CNOT3: variants seen among roughly 807,000 people sequenced by gnomAD.
CNOT3 encodes the protein CCR4-associated factor 3.
CNOT3 carries 2 observed loss-of-function variants against 89.4 expected under a neutral mutation model. The observed-to-expected ratio is 0.02, with a 90% confidence interval of 0.01 to 0.07. The LOEUF (loss-of-function observed/expected upper bound fraction) is 0.07, where lower values mean the gene tolerates loss of function less well. Ranked by LOEUF, CNOT3 falls within the 10% of genes least tolerant of loss-of-function variation. CNOT3 has a pLI of 1.00. For synonymous variants in CNOT3, 486 were observed against 402.0 expected, an observed-to-expected ratio of 1.21 and a Z score of -2.50; for missense variants, 664 against 1,010.2, an observed-to-expected ratio of 0.66 and a Z score of 4.65.
chr19:54,152,732 G>A, intron 15 of CNOT3, 106 bp downstream of exon 15: 2 of 1,057,350 alleles, frequency 1.9e-6, no homozygotes, highest in Non-Finnish European at 2.9e-6. Context: ...CCTGACTTGG[G>A]CTCTCCACTG....
intron 1 of CNOT3, among the ~76,000 whole-genome samples, chr19:54,139,205 C>T (rs988294805): frequency 6.6e-6 from 1 of 152,156 alleles, no homozygotes; most frequent in Non-Finnish European, 1.5e-5. Context: ...GTTTTGATGT[C>T]TCCCCTCCCT....
At position 54,148,706 on chromosome 19, in the gene CNOT3, C is replaced by A. The variant is rs1459108448; in HGVS notation, c.1369C>A (p.Pro457Thr). The A allele has an allele frequency of 1.2e-6, 2 of 1,611,838 alleles. No homozygotes were observed. The highest frequency in any genetic ancestry group is 8.5e-7 in the Non-Finnish European group (1 of 1,179,294). ...GNNASSQALG[P>T]PSGPHNPPPS... ...CAATGCCAGCAGCCAGGCCTTGGGC[C>A]CCCCTTCCGGCCCCCACAACCCACC... The change falls in exon 12 of 18, where the codon CCC (proline) becomes ACC (threonine). Residue 457 changes from proline to threonine, a missense_variant. This residue lies in a region of CNOT3 where 545 missense variants were observed against 566.2 expected (regional missense o/e 0.96). Transcript: ENST00000221232. The surrounding 1 kb of genome is among the most constrained non-coding windows in gnomAD (Gnocchi z 6.3).
intron 10 of CNOT3, among the ~76,000 whole-genome samples, chr19:54,147,289 C>G (rs1347322900): frequency 2.0e-5 from 3 of 152,218 alleles, no homozygotes; most frequent in African/African-American, 7.2e-5. Context: ...TGAGGCCCCT[C>G]TGTGGGCTAA....
In CNOT3 at chr19:54,145,409, T is replaced by A. The variant is rs1203232187; in HGVS notation, c.484-189T>A. On this transcript the variant is annotated intron_variant, in intron 7 of 17. Transcript: ENST00000221232. This position sits in a 1 kb window ranked among gnomAD's most constrained non-coding sequence, Gnocchi z 5.9. ...GAGGGAGCAGTGGGATCCCAAGATG[T>A]CAAGGCTAAGATTGGTCCCCACAGG... The A allele has an allele frequency of 8.3e-6, 5 of 599,352 alleles. No individual in the cohort carries two copies. Among genetic ancestry groups the A allele is most frequent in the Non-Finnish European group, 1.5e-5 (5 of 335,740 alleles). 37.1% of individuals were successfully genotyped at this position (599,352 alleles called of 1,614,324 possible).
chr19:54,138,848 A>C (rs1039747497), intron 1 of CNOT3, among the ~76,000 whole-genome samples: 2 of 152,204 alleles, frequency 1.3e-5, no homozygotes, highest in Admixed American at 1.3e-4. Context: ...CCTGGGGTAC[A>C]GGACCGTCCT....
At chr19:54,149,837 T>C (rs36661) in intron 13 of CNOT3, 79 bp downstream of exon 13, 1,029,168 of 1,395,436 alleles carry the variant, frequency 0.74, 381,372 homozygotes, top group African/African-American at 0.89. Flanking sequence ...GCTGCACCCC[T>C]TGCCCCCACC....
rs2074686976 is a variant in CNOT3 at position 54,146,654 on chromosome 19, C to A, written c.891C>A (p.Ser297Arg). 1 of 1,540,882 alleles carries A rather than the reference C, an allele frequency of 6.5e-7. No individual in the cohort carries two copies. The highest frequency in any genetic ancestry group is 9.0e-7 in the Non-Finnish European group (1 of 1,113,280). The change falls in exon 10 of 18, where the codon AGC becomes AGA. Residue 297 changes from serine to arginine, a missense_variant. By Grantham distance (110) the Ser-to-Arg change is moderately radical. Coordinates refer to ENST00000221232, the MANE Select transcript of CNOT3 (RefSeq NM_014516.4). Reference sequence around the variant, plus strand: ...GACGTTCCACAGACAGTGAAGTCAGCCAGGTGGGTGTGAGCCTGGACCGGG... The same window carrying A: ...GACGTTCCACAGACAGTGAAGTCAGACAGGTGGGTGTGAGCCTGGACCGGG... ...KRGRSTDSEV[S>R]QSPAKNGSKP...
chr19:54,152,169 G>A, intron 13 of CNOT3, 57 bp from the exon 14 acceptor site: 1 of 1,585,834 alleles, frequency 6.3e-7, no homozygotes, highest in Non-Finnish European at 8.6e-7. Flanking sequence ...CCTGTGTCAG[G>A]CTGCACTTGC....
chr19:54,148,053 A>G lies in CNOT3; in HGVS notation c.895-95A>G. On this transcript the variant is annotated intron_variant, in intron 10 of 17. Coordinates refer to ENST00000221232, the MANE Select transcript of CNOT3 (RefSeq NM_014516.4). The surrounding 1 kb of genome is among the most constrained non-coding windows in gnomAD (Gnocchi z 6.3). ...GGTGGGGGCAGCGAGGCCAGAGAGG[A>G]GGCTGCTGGGACAAAGATGGAGCCT... The G allele has an allele frequency of 3.0e-6, 3 of 993,752 alleles. No individual in the cohort carries two copies. Among genetic ancestry groups the G allele is most frequent in the Non-Finnish European group, 4.2e-6 (3 of 718,526 alleles). 61.6% of individuals were successfully genotyped at this position (993,752 alleles called of 1,614,324 possible).
intron 13 of CNOT3, among the ~76,000 whole-genome samples, chr19:54,151,642 G>A (rs1268046189): frequency 6.6e-6 from 1 of 152,176 alleles, no homozygotes; most frequent in Non-Finnish European, 1.5e-5. Context: ...CTGACTTTGG[G>A]GAACAGAAGC....
At chr19:54,151,089 C>T (rs2075073139) in intron 13 of CNOT3, among the ~76,000 whole-genome samples, 1 of 152,122 alleles carries the variant, frequency 6.6e-6, no homozygotes, top group Admixed American at 6.5e-5. Flanking sequence ...CCGTGCCCGG[C>T]CCAAATTTTA....
rs1311608601 is a variant in CNOT3, at chr19:54,152,932, C to T, written c.1970C>T (p.Ser657Leu). ...CACCACCAGATGCCACCCCCACACTCGGACACTGTGGAATTCTACCAGCGC... is the reference window on the plus strand; with the variant it reads ...CACCACCAGATGCCACCCCCACACTTGGACACTGTGGAATTCTACCAGCGC... ...PYHHQMPPPH[S>L]DTVEFYQRLS... Residue 657 changes from serine (S) to leucine (L), a missense_variant, in exon 16 of 18, where the codon TCG (serine) becomes TTG (leucine). Coordinates refer to ENST00000221232, the MANE Select transcript of CNOT3 (RefSeq NM_014516.4). The T allele has an allele frequency of 5.6e-6, 9 of 1,605,666 alleles. No homozygotes were observed. Among genetic ancestry groups the T allele is most frequent in the Middle Eastern group, 1.7e-4 (1 of 6,058 alleles).
chr19:54,150,146 G>A (rs1311195613), intron 13 of CNOT3, among the ~76,000 whole-genome samples: 1 of 152,172 alleles, frequency 6.6e-6, no homozygotes, highest in Non-Finnish European at 1.5e-5. Flanking sequence ...CTGGTTGGGT[G>A]AATGCAGCCT....
chr19:54,138,670 AGAGGAGTG>A (rs2074323325), intron 1 of CNOT3, among the ~76,000 whole-genome samples: 1 of 152,144 alleles, frequency 6.6e-6, no homozygotes, highest in South Asian at 2.1e-4. Context: ...GCCTCTTGGG[AGAGGAGTG>A]GAGGAGAAAC....
chr19:54,148,501 C>T lies in CNOT3; in HGVS notation c.1248C>T (p.Ala416=), dbSNP rs779723240. Residue 416 remains alanine (A), a synonymous_variant, in exon 11 of 18, where the codon GCC becomes GCT. Coordinates refer to ENST00000221232, the MANE Select transcript of CNOT3 (RefSeq NM_014516.4). The surrounding 1 kb of genome is among the most constrained non-coding windows in gnomAD (Gnocchi z 6.3). ...GCAGCAGCAGTAGTAACAGCAGTGC[C>T]GGTGGAGGGGCTGGCAAGCAGAATG... The part of the protein sequence containing the change: ...GGSSSSSNSS[A]GGGAGKQNGA... The T allele has an allele frequency of 3.3e-5, 51 of 1,557,864 alleles. No homozygotes were observed. The highest frequency in any genetic ancestry group is 3.2e-4 in the East Asian group (14 of 43,208).
At chr19:54,142,453 C>CACACACACACACACACACACA (rs1440264680) in intron 1 of CNOT3, 31 of 222,540 alleles carry the variant, frequency 1.4e-4, no homozygotes, top group South Asian at 3.3e-4. Context: ...CACACACACG[C>CACACACACACACACACACACA]CCTTCTCTGT....
At chr19:54,153,478 T>C (rs756807081) in intron 16 of CNOT3, 1 of 775,972 alleles carries the variant, frequency 1.3e-6, no homozygotes, top group East Asian at 2.4e-5. Flanking sequence ...CACACATTAG[T>C]TTTTCTTCCT....
intron 1 of CNOT3, among the ~76,000 whole-genome samples, chr19:54,140,466 CTCTT>C (rs1221504716): frequency 1.3e-5 from 2 of 152,144 alleles, no homozygotes; most frequent in South Asian, 2.1e-4. Context: ...GCAAATGGGG[CTCTT>C]TCTTCTCTGG....
chr19:54,152,538 C>T lies in CNOT3; in HGVS notation c.1816C>T (p.Pro606Ser). Residue 606 changes from proline to serine, a missense_variant, in exon 15 of 18, where the codon CCC becomes TCC. This residue lies in a region of CNOT3 where 545 missense variants were observed against 566.2 expected (regional missense o/e 0.96). Transcript: ENST00000221232. ...SLGVCPLGPV[P>S]LTKEQLYQQA... The stretch of plus-strand genomic sequence containing the variant: ...GGGTGTCTGTCCACTGGGCCCTGTG[C>T]CCCTCACCAAGGAGCAGCTCTATCA... The T allele has an allele frequency of 6.2e-7, 1 of 1,614,136 alleles. No homozygotes were observed. The highest frequency in any genetic ancestry group is 8.5e-7 in the Non-Finnish European group (1 of 1,180,004).
Sources: allele counts gnomAD v4.1 joint callset (sites outside exome capture counted in the v4.1 genomes callset), GRCh38; gene constraint gnomAD v4.1.1; regional missense constraint gnomAD v4.1.1; non-coding constraint Gnocchi (gnomAD v3.1); transcripts MANE v1.5; gene names NCBI Gene and HGNC (gene_info 2026-07-23, HGNC 2026-07-21).